The following PPM1D variants were observed in gnomAD, a reference collection of about 807,000 sequenced individuals.
PPM1D encodes the protein protein phosphatase, Mg2+/Mn2+ dependent 1D.
A neutral mutation model predicts 58.3 loss-of-function variants in PPM1D; 52 were observed. The ratio of observed to expected loss-of-function variants is 0.89; its 90% confidence interval spans 0.71 to 1.12. PPM1D has a LOEUF of 1.12. PPM1D is among the 50% of genes most tolerant of loss of function. PPM1D has a pLI of 0.00. For synonymous variants in PPM1D, 278 were observed against 285.1 expected, an observed-to-expected ratio of 0.98 and a Z score of 0.25; for missense variants, 564 against 777.2, an observed-to-expected ratio of 0.73 and a Z score of 3.26.
At position 60,623,722 on chromosome 17, in the gene PPM1D, G is replaced by A. The variant is rs1555645770; in HGVS notation, c.674G>A (p.Arg225Lys). ...QDHKPELPKE[R>K]ERIEGLGGSV... Reference sequence around the variant, plus strand: ...CATAAGCCAGAACTTCCCAAGGAAAGAGAACGAATCGAAGGACTTGGTGGG... The same window carrying A: ...CATAAGCCAGAACTTCCCAAGGAAAAAGAACGAATCGAAGGACTTGGTGGG... The change falls in exon 2 of 6, where the codon AGA (arginine) becomes AAA (lysine). Residue 225 changes from arginine (R) to lysine (K), a missense_variant. By Grantham distance (26) the Arg-to-Lys change is conservative. This residue lies in a region of PPM1D where 95 missense variants were observed against 232.6 expected (regional missense o/e 0.41). Coordinates refer to ENST00000305921, the MANE Select transcript of PPM1D (RefSeq NM_003620.4). 1.2e-6 allele frequency: 2 copies of A among 1,614,224 alleles called. No individual in the cohort carries two copies. The highest frequency in any genetic ancestry group is 1.7e-6 in the Non-Finnish European group (2 of 1,180,034).
chr17:60,646,884 G>T (rs2031259510), intron 3 of PPM1D, among the ~76,000 whole-genome samples: 1 of 152,164 alleles, frequency 6.6e-6, no homozygotes, highest in South Asian at 2.1e-4. Context: ...TTGGTCATAT[G>T]GTTGGTAAAG....
intron 2 of PPM1D, among the ~76,000 whole-genome samples, chr17:60,630,884 C>T (rs537317040): frequency 7.3e-4 from 111 of 152,292 alleles, no homozygotes; most frequent in South Asian, 6.0e-3. Flanking sequence ...ATGTTGGCAT[C>T]TTATAACTCT....
intron 1 of PPM1D, among the ~76,000 whole-genome samples, chr17:60,608,341 AC>A (rs1212399191): frequency 6.6e-6 from 1 of 152,122 alleles, no homozygotes; most frequent in Non-Finnish European, 1.5e-5. Flanking sequence ...TTAAACAAAC[AC>A]CCATCCATAA....
chr17:60,648,637 C>T (rs1407232593), intron 4 of PPM1D, among the ~76,000 whole-genome samples: 2 of 152,144 alleles, frequency 1.3e-5, no homozygotes, highest in Non-Finnish European at 2.9e-5. Context: ...GCCTTGGCCT[C>T]CCAAAGTGCT....
intron 1 of PPM1D, among the ~76,000 whole-genome samples, chr17:60,613,571 C>T (rs968451166): frequency 6.6e-6 from 1 of 152,230 alleles, no homozygotes; most frequent in African/African-American, 2.4e-5. Context: ...CTGGGCTGGC[C>T]GAGGCCGGAG....
chr17:60,655,204 A>G (rs117052814), intron 4 of PPM1D, among the ~76,000 whole-genome samples: 1,978 of 151,988 alleles, frequency 0.013, 24 homozygotes, highest in Non-Finnish European at 0.021. Context: ...TTCTTTGACA[A>G]TTTTTATGTT....
chr17:60,650,906 CT>C (rs1477974585), intron 4 of PPM1D, among the ~76,000 whole-genome samples: 2 of 152,104 alleles, frequency 1.3e-5, no homozygotes, highest in African/African-American at 4.8e-5. Context: ...TATGATTGTA[CT>C]TGTTAATAGC....
intron 1 of PPM1D, among the ~76,000 whole-genome samples, chr17:60,602,497 G>A (rs2030236904): frequency 6.6e-6 from 1 of 151,674 alleles, no homozygotes; most frequent in Non-Finnish European, 1.5e-5. Context: ...GCCCAGGCTG[G>A]GCAACAAGCG....
intron 3 of PPM1D, among the ~76,000 whole-genome samples, chr17:60,642,008 T>A (rs1443735450): frequency 6.6e-6 from 1 of 152,250 alleles, no homozygotes; most frequent in Non-Finnish European, 1.5e-5. Context: ...GCACCTCCTT[T>A]CAGGACCTAC....
chr17:60,619,809 A>G (rs1216148005), intron 1 of PPM1D, among the ~76,000 whole-genome samples: 1 of 151,996 alleles, frequency 6.6e-6, no homozygotes, highest in Non-Finnish European at 1.5e-5. Context: ...TATGTTGTCT[A>G]TGCTGGTGAT....
intron 1 of PPM1D, among the ~76,000 whole-genome samples, chr17:60,612,964 T>C (rs1271208577): frequency 6.6e-6 from 1 of 152,214 alleles, no homozygotes; most frequent in Non-Finnish European, 1.5e-5. Context: ...TTTTAAATTA[T>C]TAGTTTGGAG....
intron 5 of PPM1D, 26 bp downstream of exon 5, chr17:60,656,867 T>A: frequency 6.2e-7 from 1 of 1,613,164 alleles, no homozygotes; most frequent in Non-Finnish European, 8.5e-7. Context: ...GTTTTTAAGT[T>A]ATGTTTTAAT....
chr17:60,625,821 T>C (rs1322591914), intron 2 of PPM1D, among the ~76,000 whole-genome samples: 1 of 152,078 alleles, frequency 6.6e-6, no homozygotes, highest in Non-Finnish European at 1.5e-5. Flanking sequence ...TATAAATGAG[T>C]GATGAGATTT....
At chr17:60,650,633 G>A (rs1445880037) in intron 4 of PPM1D, among the ~76,000 whole-genome samples, 2 of 152,030 alleles carry the variant, frequency 1.3e-5, no homozygotes, top group Non-Finnish European at 2.9e-5. Flanking sequence ...TAAGGAGGAA[G>A]AATATGATGA....
In PPM1D at chr17:60,663,043, C is replaced by G. The variant is rs2143731170; in HGVS notation, c.1309C>G (p.Pro437Ala). The G allele has an allele frequency of 6.2e-7, 1 of 1,614,094 alleles. No individual in the cohort carries two copies. Among genetic ancestry groups the G allele is most frequent in the Admixed American group, 1.7e-5 (1 of 60,000 alleles). ...WPRVNSKDHI[P>A]ALVRSNAFSE... ...AAGGGTGAATTCTAAGGACCATATA[C>G]CTGCCCTGGTTCGTAGCAATGCCTT... The change falls in exon 6 of 6, where the codon CCT (proline) becomes GCT (alanine). Residue 437 changes from proline to alanine, a missense_variant. Around this residue, in one of 7 missense-constraint regions of PPM1D, gnomAD observed 261 missense variants for 270.1 expected, o/e 0.97. Transcript: ENST00000305921.
At chr17:60,635,052 A>G (rs977929276) in intron 3 of PPM1D, among the ~76,000 whole-genome samples, 1 of 152,038 alleles carries the variant, frequency 6.6e-6, no homozygotes, top group African/African-American at 2.4e-5. Context: ...GATTACAGGC[A>G]TGAGCCACCA....
At chr17:60,632,202 A>C (rs1229081965) in intron 2 of PPM1D, among the ~76,000 whole-genome samples, 4 of 151,724 alleles carry the variant, frequency 2.6e-5, no homozygotes, top group Non-Finnish European at 5.9e-5. Context: ...TCAAAAACAA[A>C]AAAAAAAACC....
intron 3 of PPM1D, among the ~76,000 whole-genome samples, chr17:60,640,428 G>A (rs140360014): frequency 1.3e-3 from 194 of 152,286 alleles, no homozygotes; most frequent in African/African-American, 4.5e-3. Flanking sequence ...TAGCATACAC[G>A]TAACTTACCG....
intron 1 of PPM1D, among the ~76,000 whole-genome samples, chr17:60,603,265 AGAGAGTTTTTATGTGGGCTACATC>A (rs1166501469): frequency 6.6e-6 from 1 of 152,164 alleles, no homozygotes. Flanking sequence ...TGAGGACCCC[AGAGAGTTTTTATGTGGGCTACATC>A]TTCCAGTATT....
Sources: allele counts gnomAD v4.1 joint callset (sites outside exome capture counted in the v4.1 genomes callset), GRCh38; gene constraint gnomAD v4.1.1; regional missense constraint gnomAD v4.1.1; transcripts MANE v1.5; gene names NCBI Gene and HGNC (gene_info 2026-07-23, HGNC 2026-07-21).